The following CDK17 variants were observed in gnomAD, a reference collection of about 807,000 sequenced individuals.
CDK17 encodes cyclin dependent kinase 17, also known as cyclin-dependent kinase 17.
In CDK17, 24 loss-of-function variants were observed where a neutral mutation model predicts 77.6. The ratio of observed to expected loss-of-function variants is 0.31; its 90% CI spans 0.22 to 0.44. CDK17 has a LOEUF of 0.44. CDK17 is among the 20% of genes least tolerant of loss of function. The pLI is 1.00. For missense variants in CDK17, 429 were observed against 622.5 expected (o/e 0.69, Z 3.31); for synonymous variants, 203 against 210.4 (o/e 0.96, Z 0.30).
intron 2 of CDK17, among the ~76,000 whole-genome samples, chr12:96,328,031 T>C (rs1394351086): frequency 3.9e-5 from 6 of 152,164 alleles, no homozygotes. Flanking sequence ...AGTTGGCAAG[T>C]GAGCAAAGCT....
At chr12:96,317,289 G>A (rs1952744990) in intron 3 of CDK17, among the ~76,000 whole-genome samples, 1 of 138,646 alleles carries the variant, frequency 7.2e-6, no homozygotes, top group African/African-American at 2.6e-5. Context: ...CAAGAAATAT[G>A]GGACTATGTG....
At chr12:96,336,960 T>C (rs976298513) in intron 1 of CDK17, among the ~76,000 whole-genome samples, 2 of 152,240 alleles carry the variant, frequency 1.3e-5, no homozygotes, top group African/African-American at 4.8e-5. Context: ...TCTTTTTGTA[T>C]GCTTAGTAAT....
intron 13 of CDK17, chr12:96,284,565 CTT>C (rs1376483277): frequency 1.2e-4 from 17 of 138,070 alleles, no homozygotes; most frequent in East Asian, 2.1e-4. Flanking sequence ...TAGGGATTAT[CTT>C]TTTTTTTTTT....
chr12:96,281,292 A>T (rs893351866), intron 15 of CDK17, among the ~76,000 whole-genome samples: 3 of 152,264 alleles, frequency 2.0e-5, no homozygotes, highest in Non-Finnish European at 4.4e-5. Flanking sequence ...TTGGAATTTT[A>T]GCGAAAAACA....
At chr12:96,393,980 GCTCACA>G (rs1954120687) in intron 1 of CDK17, among the ~76,000 whole-genome samples, 1 of 152,072 alleles carries the variant, frequency 6.6e-6, no homozygotes, top group Non-Finnish European at 1.5e-5. Context: ...AGGTGCAGTG[GCTCACA>G]CCTGTAATCC....
chr12:96,394,245 CA>C (rs71097287), intron 1 of CDK17, among the ~76,000 whole-genome samples: 11,862 of 133,774 alleles, frequency 0.089, 518 homozygotes, highest in African/African-American at 0.14. Flanking sequence ...GACTCCATCT[CA>C]AAAAAAAAAA....
intron 1 of CDK17, among the ~76,000 whole-genome samples, chr12:96,362,102 G>A (rs546260180): frequency 3.3e-5 from 5 of 152,122 alleles, no homozygotes; most frequent in South Asian, 2.1e-4. Flanking sequence ...CTGAATAAAC[G>A]AAAGAAAAAA....
At chr12:96,304,220 T>G (rs1453596388) in intron 5 of CDK17, among the ~76,000 whole-genome samples, 1 of 152,050 alleles carries the variant, frequency 6.6e-6, no homozygotes, top group Non-Finnish European at 1.5e-5. Context: ...ATAGATGACA[T>G]TTTAAGAGTG....
chr12:96,298,978 T>G lies in CDK17; in HGVS notation c.606A>C (p.Thr202=). Residue 202 remains threonine, a synonymous_variant, in exon 7 of 17, where the codon ACA becomes ACC. Coordinates refer to ENST00000261211, the MANE Select transcript of CDK17 (RefSeq NM_002595.5). ...TTCTTCCTTTATATACTGTTGCATA[T>G]GTACCCTATAAAATATATTTTTAAA... The part of the protein sequence containing the change: ...YIKLEKLGEG[T]YATVYKGRSK... 1 of 1,464,974 alleles carries G rather than the reference T, an allele frequency of 6.8e-7. No homozygotes were observed. Among genetic ancestry groups the G allele is most frequent in the African/African-American group, 1.4e-5 (1 of 71,768 alleles). 90.7% of individuals were successfully genotyped at this position (1,464,974 alleles called of 1,614,324 possible).
At chr12:96,288,796 T>C (rs1042697672) in intron 11 of CDK17, among the ~76,000 whole-genome samples, 4 of 152,238 alleles carry the variant, frequency 2.6e-5, no homozygotes, top group African/African-American at 9.6e-5. Context: ...GATAAAATGA[T>C]AATTTTGTTT....
At chr12:96,347,351 G>A (rs566567491) in intron 1 of CDK17, among the ~76,000 whole-genome samples, 1 of 151,708 alleles carries the variant, frequency 6.6e-6, no homozygotes, top group Admixed American at 6.6e-5. Context: ...ATCACCTGAG[G>A]TCAGGAGTTT....
rs1371848805 is a variant in CDK17 at position 96,286,052 on chromosome 12, T to A, written c.1313A>T (p.His438Leu). Reference sequence around the variant, plus strand: ...TAAGAAAAAAAAATACCTGGGTGCGTGGTTAATTAGAGGCTGTGGTTTATA... The same window carrying A: ...TAAGAAAAAAAAATACCTGGGTGCGAGGTTAATTAGAGGCTGTGGTTTATA... ...PKYKPQPLIN[H>L]APRLDSEGIE... The change falls in exon 13 of 17, where the codon CAC becomes CTC. Residue 438 changes from histidine to leucine, a missense_variant. By Grantham distance (99) the His-to-Leu change is moderately conservative. Coordinates refer to ENST00000261211, the MANE Select transcript of CDK17 (RefSeq NM_002595.5). 1 of 1,546,914 alleles carries A rather than the reference T, an allele frequency of 6.5e-7. No homozygotes were observed. The highest frequency in any genetic ancestry group is 8.9e-7 in the Non-Finnish European group (1 of 1,128,644).
At chr12:96,344,253 C>G (rs563548572) in intron 1 of CDK17, among the ~76,000 whole-genome samples, 1 of 152,052 alleles carries the variant, frequency 6.6e-6, no homozygotes, top group African/African-American at 2.4e-5. Context: ...TAGGAGCCCC[C>G]AAAGATAAAA....
At position 96,280,680 on chromosome 12, in the gene CDK17, A is replaced by C. The variant is rs903396532; in HGVS notation, c.1534+128T>G. The C allele has an allele frequency of 2.1e-6, 3 of 1,460,672 alleles. No homozygotes were observed. The African/African-American group carries it at 4.3e-5, about 21-fold the overall frequency. 90.5% of individuals were successfully genotyped at this position (1,460,672 alleles called of 1,614,324 possible). On this transcript the variant is annotated intron_variant, in intron 16 of 16. Transcript: ENST00000261211. ...GTGAGTACGTGCAATGCTAAACATAAACAGTTGTGGAATGCACTGTACATT... is the reference window on the plus strand; with the variant it reads ...GTGAGTACGTGCAATGCTAAACATACACAGTTGTGGAATGCACTGTACATT...
intron 1 of CDK17, among the ~76,000 whole-genome samples, chr12:96,337,007 G>GC (rs1383410746): frequency 1.3e-5 from 2 of 152,192 alleles, no homozygotes; most frequent in East Asian, 3.9e-4. Context: ...GTTATCATAT[G>GC]CATATGTATA....
At chr12:96,306,980 C>A (rs1446739912) in intron 5 of CDK17, among the ~76,000 whole-genome samples, 1 of 152,024 alleles carries the variant, frequency 6.6e-6, no homozygotes, top group African/African-American at 2.4e-5. Flanking sequence ...AATCTATAAG[C>A]CATTTCAGAA....
intron 1 of CDK17, among the ~76,000 whole-genome samples, chr12:96,357,254 G>GT (rs35961273): frequency 0.15 from 22,071 of 152,114 alleles, 1,779 homozygotes; most frequent in South Asian, 0.32. Flanking sequence ...GAGGCCAGGA[G>GT]TTTGAGACTA....
intron 1 of CDK17, among the ~76,000 whole-genome samples, chr12:96,380,406 G>A (rs1344417034): frequency 2.0e-5 from 3 of 150,706 alleles, no homozygotes; most frequent in Non-Finnish European, 2.9e-5. Flanking sequence ...TCAGCCTCCC[G>A]AGTAGCTGGG....
chr12:96,300,850 G>A (rs1221777942), intron 5 of CDK17, among the ~76,000 whole-genome samples: 1 of 151,984 alleles, frequency 6.6e-6, no homozygotes. Flanking sequence ...AACATTCAAA[G>A]GTTCAAAAAT....
Sources: gnomAD v4.1 joint callset for allele counts (sites outside exome capture counted in the v4.1 genomes callset) on GRCh38, gnomAD v4.1.1 for gene constraint, MANE v1.5 for transcripts, NCBI Gene and HGNC (gene_info 2026-07-23, HGNC 2026-07-21) for gene names.